ACSL1: variants seen among roughly 807,000 people sequenced by gnomAD.
The protein encoded by ACSL1 is acyl-CoA synthetase long chain family member 1.
Under a neutral mutation model 98.4 loss-of-function variants are expected in ACSL1, and 41 were observed. The observed-to-expected ratio is 0.42, with a 90% CI of 0.32 to 0.54. ACSL1 has a LOEUF of 0.54. Ranked by LOEUF, ACSL1 falls within the 20% of genes least tolerant of loss-of-function variation. The probability of loss-of-function intolerance (pLI) is 0.13; values close to 1 mark genes in which losing one functional copy is unlikely to be tolerated. For missense variants in ACSL1, 734 were observed against 883.1 expected (o/e 0.83, Z 2.14); for synonymous variants, 316 against 322.7 (o/e 0.98, Z 0.22).
At chr4:184,758,998 T>G (rs912968142) in intron 18 of ACSL1, 1 of 658 alleles carries the variant, frequency 1.5e-3, no homozygotes, top group African/African-American at 1.9e-3. Flanking sequence ...CAACATGCAG[T>G]GTTTGTTTTT....
chr4:184,821,194 G>A (rs562033476), intron 1 of ACSL1: 120 of 443,184 alleles, frequency 2.7e-4, no homozygotes, highest in African/African-American at 2.3e-3. Flanking sequence ...CTACCACCTC[G>A]GTCAGCTACC....
chr4:184,784,928 C>G (rs976047366), intron 3 of ACSL1, among the ~76,000 whole-genome samples: 9 of 152,180 alleles, frequency 5.9e-5, no homozygotes, highest in Non-Finnish European at 1.3e-4. Context: ...TAACAAGCAC[C>G]ATACAAGATG....
intron 1 of ACSL1, chr4:184,808,543 C>A: frequency 1.0e-6 from 1 of 975,774 alleles, no homozygotes; most frequent in South Asian, 4.7e-5. Context: ...CCATTCCGTG[C>A]CCCGCCTCCT....
chr4:184,816,736 A>G (rs1772669684), intron 1 of ACSL1, among the ~76,000 whole-genome samples: 1 of 152,144 alleles, frequency 6.6e-6, no homozygotes, highest in Admixed American at 6.6e-5. Flanking sequence ...ACTTTAAGTT[A>G]CATCCCAACA....
At chr4:184,758,015 T>A in intron 18 of ACSL1, 95 bp from the exon 19 acceptor site, 1 of 1,240,422 alleles carries the variant, frequency 8.1e-7, no homozygotes, top group African/African-American at 1.5e-5. Context: ...CCTGGGAGAA[T>A]ATGATGAAAG....
At chr4:184,817,951 G>A (rs1431661686) in intron 1 of ACSL1, among the ~76,000 whole-genome samples, 1 of 152,200 alleles carries the variant, frequency 6.6e-6, no homozygotes, top group Non-Finnish European at 1.5e-5. Context: ...GAACTCTAGG[G>A]AGGTCTTGGC....
At chr4:184,769,425 A>C (rs1170542050) in intron 11 of ACSL1, among the ~76,000 whole-genome samples, 1 of 152,216 alleles carries the variant, frequency 6.6e-6, no homozygotes, top group Non-Finnish European at 1.5e-5. Context: ...TCTGTCTTAG[A>C]AGCAGAAACC....
chr4:184,788,845 T>C (rs1767868704), intron 2 of ACSL1, 114 bp from the exon 3 acceptor site: 1 of 753,534 alleles, frequency 1.3e-6, no homozygotes, highest in African/African-American at 1.7e-5. Flanking sequence ...GTCACTTATC[T>C]GTAGTGAGAA....
At chr4:184,796,739 A>AATAC (rs1369548152) in intron 2 of ACSL1, among the ~76,000 whole-genome samples, 1 of 152,252 alleles carries the variant, frequency 6.6e-6, no homozygotes, top group Non-Finnish European at 1.5e-5. Flanking sequence ...CTTCTAGTTA[A>AATAC]ATACACATCG....
At position 184,780,349 on chromosome 4, in the gene ACSL1, C is replaced by T. The variant is rs184632856; in HGVS notation, c.460G>A (p.Ala154Thr). 44 of 1,613,688 alleles carry T rather than the reference C, an allele frequency of 2.7e-5. 1 individual carries two copies. The Admixed American group carries it at 6.7e-4, about 24-fold the overall frequency. Residue 154 changes from alanine (A) to threonine (T), a missense_variant, in exon 5 of 21, where the codon GCT (alanine) becomes ACT (threonine). By Grantham distance (58) the Ala-to-Thr change is moderately conservative. Coordinates refer to ENST00000281455, the MANE Select transcript of ACSL1 (RefSeq NM_001995.5). Reference sequence around the variant, plus strand: ...GTTCATACCTCAGGTCTATTTTGAGCAAAGATGCCAATGAACTGATCTGGG... The same window carrying T: ...GTTCATACCTCAGGTCTATTTTGAGTAAAGATGCCAATGAACTGATCTGGG... ...TAPDQFIGIF[A>T]QNRPEWVIIE...
intron 3 of ACSL1, 55 bp downstream of exon 3, chr4:184,788,562 C>T (rs756239773): frequency 8.6e-6 from 12 of 1,398,364 alleles, no homozygotes; most frequent in Admixed American, 3.4e-5. Context: ...AAAGGCCACT[C>T]GTTCTTCATG....
intron 2 of ACSL1, among the ~76,000 whole-genome samples, chr4:184,800,932 A>G (rs1374979414): frequency 6.6e-6 from 1 of 152,246 alleles, no homozygotes; most frequent in African/African-American, 2.4e-5. Context: ...AGCTCACTGC[A>G]GTGTCCAACT....
chr4:184,768,506 C>T, intron 11 of ACSL1, 56 bp from the exon 12 acceptor site: 1 of 1,553,994 alleles, frequency 6.4e-7, no homozygotes. Flanking sequence ...GGTTACACAA[C>T]ATATGGACAA....
chr4:184,803,656 A>C lies in ACSL1; in HGVS notation c.-32-110T>G, dbSNP rs1028068280. 2 of 625,570 alleles carry C rather than the reference A, an allele frequency of 3.2e-6. No individual in the cohort carries two copies. Among genetic ancestry groups the C allele is most frequent in the Non-Finnish European group, 2.4e-6 (1 of 415,900 alleles). The allele number at this position is 625,570 out of a possible 1,614,324, so 38.8% of individuals were successfully genotyped here. On this transcript the variant is annotated intron_variant, in intron 1 of 20. Coordinates refer to ENST00000281455, the MANE Select transcript of ACSL1 (RefSeq NM_001995.5). The surrounding 1 kb of genome is among the most constrained non-coding windows in gnomAD (Gnocchi z 4.8). ...AATTGGGTAGCTGCTCGGCCAGTCC[A>C]GGCATTAAACCCACAATCTAATGAT...
intron 4 of ACSL1, among the ~76,000 whole-genome samples, chr4:184,783,689 C>T (rs528242630): frequency 2.6e-5 from 4 of 152,214 alleles, no homozygotes; most frequent in Non-Finnish European, 5.9e-5. Context: ...TACTTGACTT[C>T]ACAATGTATC....
chr4:184,779,478 A>G (rs1309558339), intron 5 of ACSL1, among the ~76,000 whole-genome samples: 1 of 152,156 alleles, frequency 6.6e-6, no homozygotes, highest in East Asian at 1.9e-4. Flanking sequence ...ATGGACTAAC[A>G]CACTTTTACA....
At chr4:184,770,226 A>T in intron 11 of ACSL1, 173 bp downstream of exon 11, 1 of 1,529,428 alleles carries the variant, frequency 6.5e-7, no homozygotes, top group Non-Finnish European at 8.8e-7. Context: ...AATTCTCTAT[A>T]GGGATGACAG....
intron 2 of ACSL1, among the ~76,000 whole-genome samples, chr4:184,792,997 C>A (rs999691109): frequency 3.9e-5 from 6 of 152,106 alleles, no homozygotes; most frequent in African/African-American, 1.4e-4. Flanking sequence ...TTGGCCCTTA[C>A]GGCCTTCTGA....
rs1773450104 is a variant in ACSL1, at chr4:184,825,910, A to G, written c.-33+6T>C. 6.8e-6 allele frequency: 1 copy of G among 147,310 alleles called. No homozygotes were observed. Among genetic ancestry groups the G allele is most frequent in the Non-Finnish European group, 1.5e-5 (1 of 66,192 alleles). 9.1% of individuals were successfully genotyped at this position (147,310 alleles called of 1,614,324 possible). ...AGGCGCGGCTCCGCACGGCGGGCGC[A>G]CTCACCTCCTCCGTGGACCGGCCGC... On this transcript the variant is annotated splice_donor_region_variant and intron_variant, in intron 1 of 20. Coordinates refer to ENST00000281455, the MANE Select transcript of ACSL1 (RefSeq NM_001995.5). The surrounding 1 kb of genome is among the most constrained non-coding windows in gnomAD (Gnocchi z 4.7).
Sources: gnomAD v4.1 joint callset for allele counts (sites outside exome capture counted in the v4.1 genomes callset) on GRCh38, gnomAD v4.1.1 for gene constraint, Gnocchi (gnomAD v3.1) non-coding constraint, MANE v1.5 for transcripts, NCBI Gene and HGNC (gene_info 2026-07-23, HGNC 2026-07-21) for gene names.